RBFOX1: variants seen among roughly 807,000 people sequenced by gnomAD.
RBFOX1 encodes the protein RNA binding fox-1 homolog 1, also known as RNA binding protein fox-1 homolog 1.
Under a neutral mutation model 57.7 loss-of-function variants are expected in RBFOX1, and 8 were observed. The observed-to-expected ratio is 0.14, with a 90% CI of 0.08 to 0.25. The LOEUF is 0.25. Ranked by LOEUF, RBFOX1 falls within the 10% of genes least tolerant of loss-of-function variation. RBFOX1 has a pLI of 1.00. For missense variants in RBFOX1, 611 were observed against 548.5 expected, an observed-to-expected ratio of 1.11 and a Z score of -1.14; for synonymous variants, 326 against 222.4, an observed-to-expected ratio of 1.47 and a Z score of -4.15.
intron 4 of RBFOX1, among the ~76,000 whole-genome samples, chr16:7,084,993 T>A (rs917207600): frequency 2.6e-5 from 4 of 152,154 alleles, no homozygotes; most frequent in African/African-American, 9.7e-5. Context: ...CGTCCATCCA[T>A]CCATGCATCC....
intron 1 of RBFOX1, among the ~76,000 whole-genome samples, chr16:6,216,859 T>G (rs1319466733): frequency 6.6e-6 from 1 of 152,118 alleles, no homozygotes; most frequent in African/African-American, 2.4e-5. Flanking sequence ...TTGAAAACTT[T>G]CCCTATTTCA....
At chr16:7,029,078 A>G (rs1376106370) in intron 3 of RBFOX1, among the ~76,000 whole-genome samples, 5 of 39,560 alleles carry the variant, frequency 1.3e-4, no homozygotes, top group South Asian at 2.0e-3. Flanking sequence ...ATATATATAT[A>G]TATACACACA....
chr16:5,635,392 T>C (rs2048651518), intron 3 of RBFOX1, among the ~76,000 whole-genome samples: 1 of 152,212 alleles, frequency 6.6e-6, no homozygotes, highest in Non-Finnish European at 1.5e-5. Context: ...TAATGGCATA[T>C]GTTGTGAACA....
intron 3 of RBFOX1, among the ~76,000 whole-genome samples, chr16:6,870,239 G>T (rs901885426): frequency 6.6e-6 from 1 of 152,086 alleles, no homozygotes; most frequent in African/African-American, 2.4e-5. Context: ...TAGCAGCCTG[G>T]GGTGGGGCAA....
At chr16:7,488,245 T>C (rs571302875) in intron 4 of RBFOX1, among the ~76,000 whole-genome samples, 3 of 152,186 alleles carry the variant, frequency 2.0e-5, no homozygotes, top group Non-Finnish European at 4.4e-5. Context: ...ATGCTTAGCC[T>C]GGTGTTGTTC....
chr16:7,142,687 G>T (rs1174197151), intron 4 of RBFOX1, among the ~76,000 whole-genome samples: 1 of 152,154 alleles, frequency 6.6e-6, no homozygotes, highest in Non-Finnish European at 1.5e-5. Flanking sequence ...GTATATACAT[G>T]TCTTTAATAT....
chr16:5,534,528 G>C (rs74004385), intron 2 of RBFOX1, among the ~76,000 whole-genome samples: 2,036 of 152,276 alleles, frequency 0.013, 41 homozygotes, highest in African/African-American at 0.047. Context: ...GAAGAACCTG[G>C]AGTATCTGAT....
rs1420392540 is a variant in RBFOX1, at chr16:7,236,071, C to G, written c.27+183973C>G. Among the ~76,000 whole-genome samples the G allele has an allele frequency of 3.9e-5, 6 of 152,176 alleles. No homozygotes were observed. In the South Asian group the frequency reaches 8.3e-4, roughly 21 times the overall value. On this transcript the variant is annotated intron_variant, in intron 4 of 15. Transcript: ENST00000550418. ...AGATCAAAAAGATCCTGGTTATTGT[C>G]TATCTGGACTTAGCTTACCTCTTCA... is the stretch of plus-strand genomic sequence containing the variant.
At chr16:5,309,565 A>G (rs997848096) in intron 1 of RBFOX1, among the ~76,000 whole-genome samples, 7 of 152,162 alleles carry the variant, frequency 4.6e-5, no homozygotes, top group African/African-American at 1.7e-4. Flanking sequence ...TTACATAGAT[A>G]TATTGCATAG....
rs1335399874 is a variant in RBFOX1, at chr16:6,828,127, C to T, written c.-16+173477C>T. ...GGTACAGGTGGCATGGGACAGCAGT[C>T]AGGAAGCAATTTGGCTTAAGGAGGA... On this transcript the variant is annotated intron_variant, in intron 3 of 15. Coordinates refer to ENST00000550418, the MANE Select transcript of RBFOX1 (RefSeq NM_018723.4). 2.0e-5 allele frequency among the ~76,000 whole-genome samples: 3 copies of T among 152,138 alleles called. No homozygotes were observed. The East Asian group carries it at 5.8e-4, about 29-fold the overall frequency.
chr16:5,980,918 A>G (rs1426376693), intron 4 of RBFOX1, among the ~76,000 whole-genome samples: 1 of 152,032 alleles, frequency 6.6e-6, no homozygotes, highest in Non-Finnish European at 1.5e-5. Flanking sequence ...ACTACCTTCT[A>G]TGTGCCACAA....
intron 7 of RBFOX1, among the ~76,000 whole-genome samples, chr16:7,589,440 C>T (rs2094318920): frequency 1.3e-5 from 2 of 152,080 alleles, no homozygotes; most frequent in East Asian, 1.9e-4. Flanking sequence ...CTGGGGGCTT[C>T]AGGAAAAAGA....
At position 7,618,589 on chromosome 16, in the gene RBFOX1, G is replaced by T. The variant is rs1173336626; in HGVS notation, c.676+11251G>T. Among the ~76,000 whole-genome samples, 4 of 152,026 alleles carry T rather than the reference G, an allele frequency of 2.6e-5. No homozygotes were observed. In the South Asian group the frequency reaches 8.3e-4, roughly 32 times the overall value. On this transcript the variant is annotated intron_variant, in intron 10 of 15. Transcript: ENST00000550418. ...AGATTATAAACTCTTTAGTTTGAAA[G>T]ACTTTTTGCTTCCCACTTTCATTGT... is the stretch of plus-strand genomic sequence containing the variant.
chr16:5,404,027 G>A (rs1210778910), intron 1 of RBFOX1, among the ~76,000 whole-genome samples: 8 of 146,984 alleles, frequency 5.4e-5, no homozygotes, highest in Non-Finnish European at 1.0e-4. Flanking sequence ...CAGGTTTGGT[G>A]CAGAGGACAG....
chr16:7,694,561 A>G (rs2078195922), intron 14 of RBFOX1, among the ~76,000 whole-genome samples: 1 of 152,066 alleles, frequency 6.6e-6, no homozygotes, highest in Non-Finnish European at 1.5e-5. Flanking sequence ...ACAATGGTAT[A>G]CTCTTTCTAT....
chr16:6,832,323 C>T (rs1004990256), intron 3 of RBFOX1, among the ~76,000 whole-genome samples: 6 of 152,132 alleles, frequency 3.9e-5, no homozygotes, highest in South Asian at 2.1e-4. Context: ...GACAGTGTTA[C>T]TCATTATGTG....
At chr16:6,284,349 C>T (rs1380862158) in intron 1 of RBFOX1, among the ~76,000 whole-genome samples, 7 of 152,100 alleles carry the variant, frequency 4.6e-5, no homozygotes, top group Non-Finnish European at 7.4e-5. Context: ...AAACCAAATC[C>T]CAATGATGCT....
intron 3 of RBFOX1, among the ~76,000 whole-genome samples, chr16:6,698,642 G>A (rs117602847): frequency 0.011 from 1,614 of 152,268 alleles, 10 homozygotes; most frequent in Non-Finnish European, 0.018. Context: ...CGAGGCAGAC[G>A]TGGTGGGACC....
intron 1 of RBFOX1, among the ~76,000 whole-genome samples, chr16:5,436,428 C>T (rs373342330): frequency 1.3e-5 from 2 of 152,216 alleles, no homozygotes; most frequent in Admixed American, 6.5e-5. Context: ...GTCTTCTATT[C>T]TCTAAGCTCT....
Sources: allele counts gnomAD v4.1 joint callset (sites outside exome capture counted in the v4.1 genomes callset), GRCh38; gene constraint gnomAD v4.1.1; transcripts MANE v1.5; gene names NCBI Gene and HGNC (gene_info 2026-07-23, HGNC 2026-07-21).